Variants in STARD13 observed in about 807,000 individuals in gnomAD.
STARD13 encodes the protein stAR-related lipid transfer protein 13.
STARD13 carries 62 observed loss-of-function variants against 106.4 expected under a neutral mutation model. The ratio of observed to expected loss-of-function variants is 0.58; its 90% CI spans 0.48 to 0.72. The LOEUF (loss-of-function observed/expected upper bound fraction) is 0.72, where lower values mean the gene tolerates loss of function less well. Ranked by LOEUF, STARD13 falls within the 30% of genes least tolerant of loss-of-function variation. STARD13 has a pLI of 0.00. For synonymous variants in STARD13, 565 were observed against 553.0 expected (o/e 1.02, Z -0.31); for missense variants, 1,387 against 1,424.0 (o/e 0.97, Z 0.42).
chr13:33,620,814 TA>T, the STARD13 span, among the ~76,000 whole-genome samples: 2 of 150,750 alleles, frequency 1.3e-5, no homozygotes, highest in African/African-American at 4.8e-5. Flanking sequence ...TAAAATATAA[TA>T]AAAAATTTAA....
intron 3 of STARD13, among the ~76,000 whole-genome samples, chr13:33,148,964 G>C (rs1880908922): frequency 6.6e-6 from 1 of 152,170 alleles, no homozygotes; most frequent in Non-Finnish European, 1.5e-5. Flanking sequence ...GTATGAGAAG[G>C]CTATATCCTC....
At chr13:33,564,882 A>G in the STARD13 span, among the ~76,000 whole-genome samples, 5 of 144,192 alleles carry the variant, frequency 3.5e-5, no homozygotes, top group Admixed American at 1.4e-4. Context: ...GGTCCCAGCT[A>G]CTCGGGAGGC....
chr13:33,419,599 A>G, the STARD13 span, among the ~76,000 whole-genome samples: 1 of 152,330 alleles, frequency 6.6e-6, no homozygotes, highest in South Asian at 2.1e-4. Flanking sequence ...TTCAGGAAAT[A>G]CAGAGAACAC....
the STARD13 span, among the ~76,000 whole-genome samples, chr13:33,591,072 T>C: frequency 2.0e-5 from 3 of 152,272 alleles, no homozygotes; most frequent in Admixed American, 6.5e-5. Flanking sequence ...TTTTTAAGAC[T>C]TGCCTGGCTC....
the STARD13 span, among the ~76,000 whole-genome samples, chr13:33,613,986 T>A: frequency 6.6e-6 from 1 of 152,196 alleles, no homozygotes; most frequent in African/African-American, 2.4e-5. Context: ...GGTGTTCAGA[T>A]GGGGACTTCT....
intron 1 of STARD13, among the ~76,000 whole-genome samples, chr13:33,278,965 A>T (rs1227561506): frequency 6.6e-6 from 1 of 152,164 alleles, no homozygotes; most frequent in African/African-American, 2.4e-5. Flanking sequence ...ATCTTTCCCC[A>T]TACCAAAATC....
chr13:33,120,776 C>T (rs1337962008), intron 7 of STARD13, among the ~76,000 whole-genome samples: 7 of 147,206 alleles, frequency 4.8e-5, no homozygotes, highest in Admixed American at 6.8e-5. Flanking sequence ...TATTTCCTGA[C>T]TTTTTTTTTT....
chr13:33,129,819 G>T lies in STARD13; in HGVS notation c.858C>A (p.Ile286=), dbSNP rs767670592. ...KGSGRTGGLV[I]SGPMLQQEPE... is the part of the protein sequence containing the mutation. ...GCTCCTGCTGCAACATGGGCCCACT[G>T]ATCACCAGGCCACCTGTCCGCCCAG... Residue 286 remains isoleucine (I), a synonymous_variant, in exon 5 of 14, where the codon ATC becomes ATA. Coordinates refer to ENST00000336934, the MANE Select transcript of STARD13 (RefSeq NM_178006.4). 3 of 1,613,308 alleles carry T rather than the reference G, an allele frequency of 1.9e-6. No individual in the cohort carries two copies. The highest frequency in any genetic ancestry group is 3.3e-5 in the Admixed American group (2 of 60,032).
chr13:33,300,130 T>G (rs2138461096), intron 1 of STARD13, among the ~76,000 whole-genome samples: 1 of 152,306 alleles, frequency 6.6e-6, no homozygotes, highest in South Asian at 2.1e-4. Context: ...CTACATAAGC[T>G]TGGACAAATC....
chr13:33,468,810 A>G, the STARD13 span, among the ~76,000 whole-genome samples: 4 of 152,214 alleles, frequency 2.6e-5, no homozygotes, highest in African/African-American at 7.2e-5. Context: ...TTTCTTCTCC[A>G]TATGAGTATT....
At chr13:33,610,706 T>C in the STARD13 span, among the ~76,000 whole-genome samples, 2 of 152,200 alleles carry the variant, frequency 1.3e-5, no homozygotes, top group Non-Finnish European at 2.9e-5. Context: ...GGCCGGGAAA[T>C]CCCAGGTGTT....
intron 1 of STARD13, chr13:33,275,634 G>T (rs942734296): frequency 1.3e-5 from 2 of 152,212 alleles, no homozygotes; most frequent in African/African-American, 4.8e-5. Flanking sequence ...GTTATAGTAA[G>T]TTTGGAGTTT....
At chr13:33,134,536 T>G (rs1878800078) in intron 4 of STARD13, among the ~76,000 whole-genome samples, 1 of 152,230 alleles carries the variant, frequency 6.6e-6, no homozygotes, top group South Asian at 2.1e-4. Context: ...GAACTCCTGT[T>G]TTTAAACTGT....
chr13:33,223,256 G>A (rs1315187623), intron 1 of STARD13, among the ~76,000 whole-genome samples: 1 of 152,200 alleles, frequency 6.6e-6, no homozygotes, highest in East Asian at 1.9e-4. Flanking sequence ...GGTCCTTCAA[G>A]AATGATGTTT....
the STARD13 span, among the ~76,000 whole-genome samples, chr13:33,452,925 T>G: frequency 6.6e-6 from 1 of 152,236 alleles, no homozygotes; most frequent in East Asian, 1.9e-4. Flanking sequence ...TTAAAGAAAC[T>G]ATGGGAAAGG....
chr13:33,650,276 C>T, the STARD13 span, among the ~76,000 whole-genome samples: 1 of 142,502 alleles, frequency 7.0e-6, no homozygotes, highest in Non-Finnish European at 1.5e-5. Flanking sequence ...CTGCAAGCTC[C>T]GCCTCCCGGG....
At chr13:33,467,061 TG>T in the STARD13 span, among the ~76,000 whole-genome samples, 18 of 151,996 alleles carry the variant, frequency 1.2e-4, no homozygotes, top group Non-Finnish European at 2.6e-4. Context: ...GGGGATGATT[TG>T]GGGAGGATTC....
At chr13:33,375,909 A>G in the STARD13 span, among the ~76,000 whole-genome samples, 1 of 152,206 alleles carries the variant, frequency 6.6e-6, no homozygotes, top group South Asian at 2.1e-4. Flanking sequence ...TGACCACATT[A>G]CTTTACATAC....
intron 1 of STARD13, among the ~76,000 whole-genome samples, chr13:33,198,638 C>G (rs989126205): frequency 3.9e-5 from 6 of 152,066 alleles, no homozygotes; most frequent in African/African-American, 1.4e-4. Context: ...ATGCTATTCA[C>G]TCTCTGTCTT....
Sources: allele counts gnomAD v4.1 joint callset (sites outside exome capture counted in the v4.1 genomes callset), GRCh38; gene constraint gnomAD v4.1.1; transcripts MANE v1.5; gene names NCBI Gene and HGNC (gene_info 2026-07-23, HGNC 2026-07-21).